HSPG2: variants seen among roughly 807,000 people sequenced by gnomAD.
HSPG2 encodes basement membrane-specific heparan sulfate proteoglycan core protein.
In HSPG2, 278 loss-of-function variants were observed where a neutral mutation model predicts 526.6. The observed-to-expected ratio is 0.53, with a 90% confidence interval of 0.48 to 0.58. The LOEUF (loss-of-function observed/expected upper bound fraction) is 0.58. HSPG2 is among the 20% of genes least tolerant of loss of function. HSPG2 has a pLI of 0.00. For missense variants in HSPG2, 5,354 were observed against 6,099.5 expected, an observed-to-expected ratio of 0.88 and a Z score of 4.07; for synonymous variants, 2,465 against 2,555.4, an observed-to-expected ratio of 0.96 and a Z score of 1.07.
In HSPG2 at chr1:21,874,598, A is replaced by G. The variant is rs755493890; in HGVS notation, c.3528+18T>C. 11 of 1,613,632 alleles carry G rather than the reference A, an allele frequency of 6.8e-6. No individual in the cohort carries two copies. In the African/African-American group the frequency reaches 9.3e-5, roughly 14 times the overall value. On this transcript the variant is annotated intron_variant, in intron 27 of 96. Transcript: ENST00000374695. ...GGCCACAGATTGCTGGGGTGGGCGG[A>G]AGGAGGGCGGGACTTACCTGGCAGG...
At position 21,890,829 on chromosome 1, in the gene HSPG2, T is replaced by C; in HGVS notation, c.245-135A>G. ...TCGAGGCTGACACCTGTGTGCCCAC[T>C]GCTACACCCAGGACTGCCTGTAGGT... On this transcript the variant is annotated intron_variant, in intron 3 of 96. Transcript: ENST00000374695. The surrounding 1 kb of genome is among the most constrained non-coding windows in gnomAD (Gnocchi z 4.1). 1 of 715,708 alleles carries C rather than the reference T, an allele frequency of 1.4e-6. No homozygotes were observed. The highest frequency in any genetic ancestry group is 2.5e-6 in the Non-Finnish European group (1 of 398,270). 44.3% of individuals were successfully genotyped at this position (715,708 alleles called of 1,614,324 possible). A position where few individuals can be genotyped will look rare whatever the true frequency, so the allele number is the denominator to read the frequency against.
intron 1 of HSPG2, chr1:21,908,029 C>T: frequency 1.4e-6 from 1 of 706,992 alleles, no homozygotes; most frequent in Non-Finnish European, 2.6e-6. Flanking sequence ...TAACACAGCA[C>T]ATGGTGAATG....
intron 11 of HSPG2, 37 bp from the exon 12 acceptor site, chr1:21,884,955 A>G (rs1166679064): frequency 1.2e-6 from 2 of 1,613,938 alleles, no homozygotes; most frequent in Admixed American, 3.3e-5. Context: ...GATCTGGCCT[A>G]GGGCTCTGGA....
rs765868642 is a variant in HSPG2, at chr1:21,852,078, T to C, written c.6870+10A>G. 35 of 1,606,654 alleles carry C rather than the reference T, an allele frequency of 2.2e-5. No homozygotes were observed. The South Asian group carries it at 3.7e-4, about 17-fold the overall frequency. On this transcript the variant is annotated intron_variant, in intron 53 of 96. Transcript: ENST00000374695. ...CCATGGCCCCGTCCCACATTCTTGG[T>C]GCCCTGTACCTGGTGCCGGGCAGGG... is the stretch of plus-strand genomic sequence containing the variant.
At chr1:21,871,623 C>T (rs1316648679) in intron 33 of HSPG2, among the ~76,000 whole-genome samples, 6 of 152,136 alleles carry the variant, frequency 3.9e-5, no homozygotes, top group Admixed American at 1.3e-4. Context: ...CTCCCAGCTG[C>T]GGGGCTTTGG....
Position 21,887,145 on chromosome 1 carries a change from T to TGGAAGGCGGGGCAGGAGG in HSPG2, c.1078+69_1078+70insCCTCCTGCCCCGCCTTCC, listed in dbSNP as rs1191637428. On this transcript the variant is annotated intron_variant, in intron 9 of 96. Coordinates refer to ENST00000374695, the MANE Select transcript of HSPG2 (RefSeq NM_005529.7). This position sits in a 1 kb window ranked among gnomAD's most constrained non-coding sequence, Gnocchi z 5.0. Reference sequence around the variant, plus strand: ...GGGCAGGGTAGGGGCGGGGCAGGAGTGGAAGGCGGGGCAGGAGCAAGCGGC... The same window carrying TGGAAGGCGGGGCAGGAGG: ...GGGCAGGGTAGGGGCGGGGCAGGAGTGGAAGGCGGGGCAGGAGGGGAAGGCGGGGCAGGAGCAAGCGGC... 21 of 1,551,954 alleles carry TGGAAGGCGGGGCAGGAGG rather than the reference T, an allele frequency of 1.4e-5. No homozygotes were observed. Among genetic ancestry groups the TGGAAGGCGGGGCAGGAGG allele is most frequent in the African/African-American group, 5.9e-5 (4 of 68,142 alleles).
rs759855035 is a variant in HSPG2 at position 21,865,699 on chromosome 1, TG to T, written c.4314+17del. On this transcript the variant is annotated intron_variant, in intron 34 of 96. Coordinates refer to ENST00000374695, the MANE Select transcript of HSPG2 (RefSeq NM_005529.7). This position sits in a 1 kb window ranked among gnomAD's most constrained non-coding sequence, Gnocchi z 5.4. Reference sequence around the variant, plus strand: ...ATCCTGCCCTTCTGCCCACCCAGCATGGTGTCCAAATGCTCACCGTGATCTG... The same window carrying T: ...ATCCTGCCCTTCTGCCCACCCAGCATGTGTCCAAATGCTCACCGTGATCTG... The T allele has an allele frequency of 5.0e-6, 8 of 1,595,182 alleles. No individual in the cohort carries two copies. Among genetic ancestry groups the T allele is most frequent in the South Asian group, 2.2e-5 (2 of 90,710 alleles).
Position 21,887,071 on chromosome 1 carries a change from G to T in HSPG2, c.1078+144C>A. On this transcript the variant is annotated intron_variant, in intron 9 of 96. Transcript: ENST00000374695. The surrounding 1 kb of genome is among the most constrained non-coding windows in gnomAD (Gnocchi z 5.0). ...TCCAGGGCCTTCCGCACTCAGCCAG[G>T]GAGAGCAAACAAACAGGCTTGGGGG... is the stretch of plus-strand genomic sequence containing the variant. The T allele has an allele frequency of 1.1e-6, 1 of 923,768 alleles. No individual in the cohort carries two copies. 57.2% of individuals were successfully genotyped at this position (923,768 alleles called of 1,614,324 possible). A position where few individuals can be genotyped will look rare whatever the true frequency, so the allele number is the denominator to read the frequency against.
In HSPG2 at chr1:21,859,061, T is replaced by A. The variant is rs545954521; in HGVS notation, c.5293+505A>T. Among the ~76,000 whole-genome samples, 8 of 152,170 alleles carry A rather than the reference T, an allele frequency of 5.3e-5. No individual in the cohort carries two copies. The highest frequency in any genetic ancestry group is 4.2e-4 in the South Asian group (2 of 4,802). Reference sequence around the variant, plus strand: ...TCTGAGGTGCATTATTATTATTATTTTTTTAAGACAGAGTCTTGCTCTGTT... The same window carrying A: ...TCTGAGGTGCATTATTATTATTATTATTTTAAGACAGAGTCTTGCTCTGTT... On this transcript the variant is annotated intron_variant, in intron 42 of 96. Coordinates refer to ENST00000374695, the MANE Select transcript of HSPG2 (RefSeq NM_005529.7). This position sits in a 1 kb window ranked among gnomAD's most constrained non-coding sequence, Gnocchi z 5.3.
chr1:21,905,703 T>C (rs1043378918), intron 1 of HSPG2, among the ~76,000 whole-genome samples: 1 of 152,104 alleles, frequency 6.6e-6, no homozygotes, highest in African/African-American at 2.4e-5. Flanking sequence ...GACTGTGCCA[T>C]TGCACTCCAG....
chr1:21,830,419 G>C (rs2097997606), intron 85 of HSPG2: 2 of 388,004 alleles, frequency 5.2e-6, no homozygotes, highest in Non-Finnish European at 9.7e-6. Context: ...GGGCGTGGGG[G>C]CTCATGCCTG....
In HSPG2 at chr1:21,852,728, C is replaced by G; in HGVS notation, c.6696G>C (p.Leu2232=). The G allele has an allele frequency of 1.2e-6, 2 of 1,613,528 alleles. No individual in the cohort carries two copies. Among genetic ancestry groups the G allele is most frequent in the Non-Finnish European group, 1.7e-6 (2 of 1,180,024 alleles). The change falls in exon 52 of 97, where the codon CTG becomes CTC. Residue 2232 remains leucine, a synonymous_variant. Coordinates refer to ENST00000374695, the MANE Select transcript of HSPG2 (RefSeq NM_005529.7). ...GGATGACAGAGGCTTCGATGGTGAC[C>G]AGGACTGAGGCCTCTAGGGGGCCGG... ...GTSGPLEASV[L]VTIEASVIPG...
At chr1:21,931,618 G>A (rs946305075) in intron 1 of HSPG2, among the ~76,000 whole-genome samples, 15 of 152,170 alleles carry the variant, frequency 9.9e-5, no homozygotes, top group Non-Finnish European at 1.6e-4. Context: ...AGGGGAGGGG[G>A]GCAACAGGCC....
At position 21,846,616 on chromosome 1, in the gene HSPG2, C is replaced by T. The variant is rs763658519; in HGVS notation, c.8165-17G>A. ...TGCCAGGGGCTGGGGGAACAGAGAT[C>T]AGTGAGTCGGCACAGCCGTTGTCAG... On this transcript the variant is annotated splice_polypyrimidine_tract_variant and intron_variant, in intron 62 of 96. Transcript: ENST00000374695. The T allele has an allele frequency of 6.2e-7, 1 of 1,613,344 alleles. No individual in the cohort carries two copies. The highest frequency in any genetic ancestry group is 1.3e-5 in the African/African-American group (1 of 75,070).
Position 21,890,396 on chromosome 1 carries a change from C to T in HSPG2, c.413+31G>A, listed in dbSNP as rs1429113130. On this transcript the variant is annotated intron_variant, in intron 5 of 96. Transcript: ENST00000374695. This position sits in a 1 kb window ranked among gnomAD's most constrained non-coding sequence, Gnocchi z 4.1. ...CCCCTCCAGGTTACCCGCTCAAGTC[C>T]CCCAGCAGCCCCCAGGGAGCCCCTT... 8 of 1,609,210 alleles carry T rather than the reference C, an allele frequency of 5.0e-6. No homozygotes were observed. The highest frequency in any genetic ancestry group is 6.8e-6 in the Non-Finnish European group (8 of 1,175,774).
In HSPG2 at chr1:21,871,330, G is replaced by A. The variant is rs527855152; in HGVS notation, c.4221+856C>T. 3.5e-4 allele frequency among the ~76,000 whole-genome samples: 52 copies of A among 148,226 alleles called. 1 individual carries two copies. The highest frequency in any genetic ancestry group is 3.0e-3 in the Admixed American group (43 of 14,548). On this transcript the variant is annotated intron_variant, in intron 33 of 96. Transcript: ENST00000374695. ...GCTGGAGTGCAATGGTGCAATTATG[G>A]CTCACTGCAACCTCCCCATCCTGGG...
At chr1:21,892,399 G>C (rs1022450132) in intron 3 of HSPG2, among the ~76,000 whole-genome samples, 2 of 152,276 alleles carry the variant, frequency 1.3e-5, no homozygotes, top group Admixed American at 6.5e-5. Context: ...TGGGGAAGGG[G>C]ACTGGAGCTC....
intron 1 of HSPG2, among the ~76,000 whole-genome samples, chr1:21,920,653 T>C (rs1053720070): frequency 6.6e-6 from 1 of 152,248 alleles, no homozygotes; most frequent in African/African-American, 2.4e-5. Context: ...ACATTCCTGT[T>C]GGAGCAACAT....
chr1:21,930,811 T>C (rs1375809849), intron 1 of HSPG2, among the ~76,000 whole-genome samples: 1 of 151,766 alleles, frequency 6.6e-6, no homozygotes, highest in Non-Finnish European at 1.5e-5. Flanking sequence ...GTCAGATACA[T>C]AGAAGATGCT....
Sources: allele counts gnomAD v4.1 joint callset (sites outside exome capture counted in the v4.1 genomes callset), GRCh38; gene constraint gnomAD v4.1.1; non-coding constraint Gnocchi (gnomAD v3.1); transcripts MANE v1.5; gene names NCBI Gene and HGNC (gene_info 2026-07-23, HGNC 2026-07-21).